The following FAF1 variants were observed in gnomAD, a reference collection of about 807,000 sequenced individuals.
FAF1 encodes the protein FAS-associated factor 1.
Under a neutral mutation model 92.5 loss-of-function variants are expected in FAF1, and 25 were observed. The observed-to-expected ratio is 0.27, with a 90% CI of 0.20 to 0.38. FAF1 has a LOEUF of 0.38. Ranked by LOEUF, FAF1 falls within the 10% of genes least tolerant of loss-of-function variation. The pLI is 1.00. For synonymous variants in FAF1, 234 were observed against 273.2 expected, an observed-to-expected ratio of 0.86 and a Z score of 1.42; for missense variants, 636 against 793.3, an observed-to-expected ratio of 0.80 and a Z score of 2.38.
At chr1:50,907,172 C>A (rs541809158) in intron 1 of FAF1, among the ~76,000 whole-genome samples, 1 of 152,058 alleles carries the variant, frequency 6.6e-6, no homozygotes, top group African/African-American at 2.4e-5. Flanking sequence ...GTTTACACAA[C>A]GGATTACGTT....
intron 7 of FAF1, among the ~76,000 whole-genome samples, chr1:50,658,168 G>A (rs958036692): frequency 4.6e-5 from 7 of 151,686 alleles, no homozygotes; most frequent in Non-Finnish European, 1.5e-5. Context: ...GAGTCTTTAG[G>A]CTTCAAGACA....
At chr1:50,457,928 T>A (rs939060821) in intron 18 of FAF1, among the ~76,000 whole-genome samples, 18 of 150,524 alleles carry the variant, frequency 1.2e-4, no homozygotes, top group Non-Finnish European at 1.9e-4. Flanking sequence ...TTGAAAAGGT[T>A]ATCGACCGGG....
At chr1:50,663,936 A>G (rs1422472736) in intron 7 of FAF1, among the ~76,000 whole-genome samples, 3 of 151,362 alleles carry the variant, frequency 2.0e-5, no homozygotes, top group African/African-American at 7.4e-5. Flanking sequence ...CTACCTCTTT[A>G]CTACAGACTT....
intron 1 of FAF1, among the ~76,000 whole-genome samples, chr1:50,881,167 A>C (rs1269914184): frequency 6.6e-6 from 1 of 152,178 alleles, no homozygotes; most frequent in Non-Finnish European, 1.5e-5. Context: ...AAAACTTAAA[A>C]GTGAAAGAAA....
At chr1:50,639,764 T>C (rs1453062611) in intron 8 of FAF1, among the ~76,000 whole-genome samples, 2 of 151,948 alleles carry the variant, frequency 1.3e-5, no homozygotes, top group Non-Finnish European at 2.9e-5. Context: ...TGAAACCCTG[T>C]CTCTACTAAA....
At chr1:50,833,260 C>A (rs920625382) in intron 2 of FAF1, among the ~76,000 whole-genome samples, 1 of 152,078 alleles carries the variant, frequency 6.6e-6, no homozygotes, top group Admixed American at 6.6e-5. Flanking sequence ...GTCTCCACAA[C>A]CCCCTCCTGA....
chr1:50,943,122 C>A (rs1246993804), intron 1 of FAF1, among the ~76,000 whole-genome samples: 1 of 152,176 alleles, frequency 6.6e-6, no homozygotes, highest in Non-Finnish European at 1.5e-5. Context: ...ACCATCTTGG[C>A]AGCTGATAAA....
chr1:50,840,827 T>G (rs191463199), intron 2 of FAF1, among the ~76,000 whole-genome samples: 8 of 152,040 alleles, frequency 5.3e-5, no homozygotes, highest in African/African-American at 1.9e-4. Flanking sequence ...GTTTTACTTA[T>G]GGTAAAGAAA....
chr1:50,864,885 C>T (rs1410361039), intron 1 of FAF1, among the ~76,000 whole-genome samples: 1 of 151,940 alleles, frequency 6.6e-6, no homozygotes, highest in Non-Finnish European at 1.5e-5. Context: ...AAAGAAACTA[C>T]CATCAGAGTG....
intron 3 of FAF1, among the ~76,000 whole-genome samples, chr1:50,794,241 A>C (rs1046896831): frequency 4.6e-5 from 7 of 152,210 alleles, no homozygotes; most frequent in African/African-American, 1.7e-4. Flanking sequence ...CCCAACAATA[A>C]ATAAGAAATA....
intron 6 of FAF1, 57 bp downstream of exon 6, chr1:50,738,806 G>T: frequency 8.6e-7 from 1 of 1,165,048 alleles, no homozygotes; most frequent in Admixed American, 1.9e-5. Context: ...ACAACTTAAA[G>T]CAATTTTAAC....
chr1:50,735,376 T>C (rs545003185), intron 6 of FAF1, among the ~76,000 whole-genome samples: 2 of 152,346 alleles, frequency 1.3e-5, no homozygotes, highest in East Asian at 3.9e-4. Flanking sequence ...ACAAAGATTA[T>C]GATTAAGAGT....
chr1:50,913,788 T>C (rs369691640), intron 1 of FAF1, among the ~76,000 whole-genome samples: 1 of 152,144 alleles, frequency 6.6e-6, no homozygotes, highest in Non-Finnish European at 1.5e-5. Flanking sequence ...TGGATGAATA[T>C]CCAAACAGCA....
Position 50,544,829 on chromosome 1 carries a change from G to A in FAF1, c.1269-5101C>T, listed in dbSNP as rs149879764. Among the ~76,000 whole-genome samples, 20 of 152,264 alleles carry A rather than the reference G, an allele frequency of 1.3e-4. No homozygotes were observed. In the East Asian group the frequency reaches 3.3e-3, roughly 25 times the overall value. ...ATTTGATCAAAGACTCAAAAGAGGT[G>A]AAGGAGGAAATGAAATATTTATCTC... On this transcript the variant is annotated intron_variant, in intron 13 of 18. Coordinates refer to ENST00000396153, the MANE Select transcript of FAF1 (RefSeq NM_007051.3).
chr1:50,953,306 T>C (rs1173123642), intron 1 of FAF1, among the ~76,000 whole-genome samples: 4 of 152,018 alleles, frequency 2.6e-5, no homozygotes, highest in Non-Finnish European at 5.9e-5. Flanking sequence ...CTTGTTCACA[T>C]GTTTATCTGC....
intron 14 of FAF1, among the ~76,000 whole-genome samples, chr1:50,537,609 T>A (rs1247573223): frequency 6.6e-6 from 1 of 152,176 alleles, no homozygotes; most frequent in Non-Finnish European, 1.5e-5. Flanking sequence ...ATAAACCCAT[T>A]ACATGTTAAT....
chr1:50,708,835 G>A (rs1477748865), intron 6 of FAF1, among the ~76,000 whole-genome samples: 2 of 152,158 alleles, frequency 1.3e-5, no homozygotes, highest in Non-Finnish European at 2.9e-5. Context: ...AGGAGGGTGG[G>A]ATCAGTTACG....
chr1:50,683,707 C>T (rs1007979934), intron 7 of FAF1, among the ~76,000 whole-genome samples: 1 of 151,786 alleles, frequency 6.6e-6, no homozygotes, highest in Admixed American at 6.6e-5. Context: ...CCAAGGCAGG[C>T]GGATCACCTG....
At chr1:50,776,279 C>T (rs1212737428) in intron 4 of FAF1, among the ~76,000 whole-genome samples, 1 of 152,114 alleles carries the variant, frequency 6.6e-6, no homozygotes, top group Non-Finnish European at 1.5e-5. Flanking sequence ...ATTAAGACAG[C>T]TACAGACACA....
Sources: allele counts gnomAD v4.1 joint callset (sites outside exome capture counted in the v4.1 genomes callset), GRCh38; gene constraint gnomAD v4.1.1; transcripts MANE v1.5; gene names NCBI Gene and HGNC (gene_info 2026-07-23, HGNC 2026-07-21).